FGF12: variants seen among roughly 807,000 people sequenced by gnomAD.
FGF12 encodes the protein fibroblast growth factor 12B.
Under a neutral mutation model 23.6 loss-of-function variants are expected in FGF12, and 14 were observed. The observed-to-expected ratio is 0.59, with a 90% CI of 0.39 to 0.93. FGF12 has a LOEUF of 0.93. Ranked by LOEUF, FGF12 falls within the 40% of genes least tolerant of loss-of-function variation. The pLI is 0.00. For missense variants in FGF12, 175 were observed against 217.8 expected, an observed-to-expected ratio of 0.80 and a Z score of 1.24; for synonymous variants, 62 against 77.3, an observed-to-expected ratio of 0.80 and a Z score of 1.04.
At chr3:192,578,513 A>C (rs1424420393) in intron 2 of FGF12, among the ~76,000 whole-genome samples, 2 of 152,212 alleles carry the variant, frequency 1.3e-5, no homozygotes, top group East Asian at 3.8e-4. Context: ...AACTGCTCTT[A>C]TTCCTTAATT....
rs192385807 is a variant in FGF12, at chr3:192,452,379, T to A, written c.14-91841A>T. Among the ~76,000 whole-genome samples the A allele has an allele frequency of 4.3e-4, 66 of 152,194 alleles. 1 individual carries two copies. The highest frequency in any genetic ancestry group is 1.5e-3 in the African/African-American group (64 of 41,558). The stretch of plus-strand genomic sequence containing the variant: ...TCCACTTAGCCATAATTTATTCTCC[T>A]TTTGATACATTAATGGATTTGATTT... On this transcript the variant is annotated intron_variant, in intron 2 of 5. Transcript: ENST00000445105.
intron 4 of FGF12, among the ~76,000 whole-genome samples, chr3:192,331,294 A>G (rs771398559): frequency 6.7e-6 from 1 of 149,270 alleles, no homozygotes; most frequent in Non-Finnish European, 1.5e-5. Context: ...GATAGGGAAA[A>G]CAGTATGGAG....
chr3:192,202,732 C>A (rs912483637), intron 4 of FGF12, among the ~76,000 whole-genome samples: 1 of 152,064 alleles, frequency 6.6e-6, no homozygotes, highest in Non-Finnish European at 1.5e-5. Context: ...GGTTCTATCA[C>A]CAGAAAGTTG....
rs1009849338 is a variant in FGF12, at chr3:192,330,548, C to T, written c.228+4813G>A. 7.2e-5 allele frequency among the ~76,000 whole-genome samples: 11 copies of T among 152,222 alleles called. 2 individuals carry two copies. Among genetic ancestry groups the T allele is most frequent in the Non-Finnish European group, 5.9e-5 (4 of 67,996 alleles). On this transcript the variant is annotated intron_variant, in intron 4 of 5. Coordinates refer to ENST00000445105, the MANE Select transcript of FGF12 (RefSeq NM_004113.6). ...AGAATGAAACTGGACCCTTACCTTA[C>T]ACCACATGTAACATTAATTCAAAAT...
chr3:192,294,585 A>G (rs1323487620), intron 4 of FGF12, among the ~76,000 whole-genome samples: 1 of 152,228 alleles, frequency 6.6e-6, no homozygotes, highest in Admixed American at 6.5e-5. Flanking sequence ...ATCATATAAA[A>G]GCAGAATAAT....
chr3:192,305,506 C>G (rs560748791), intron 4 of FGF12, among the ~76,000 whole-genome samples: 5 of 151,948 alleles, frequency 3.3e-5, no homozygotes, highest in African/African-American at 9.7e-5. Flanking sequence ...CTCTCACGTC[C>G]TCAAACCATC....
intron 4 of FGF12, among the ~76,000 whole-genome samples, chr3:192,283,629 A>T (rs1264094133): frequency 6.6e-6 from 1 of 152,118 alleles, no homozygotes; most frequent in East Asian, 1.9e-4. Flanking sequence ...TCACCCCTTT[A>T]TTTGCCACAA....
At chr3:192,258,788 G>A (rs1451570537) in intron 4 of FGF12, among the ~76,000 whole-genome samples, 1 of 152,090 alleles carries the variant, frequency 6.6e-6, no homozygotes, top group Non-Finnish European at 1.5e-5. Flanking sequence ...TCCACATAAA[G>A]AGAAAGAAAG....
At position 192,412,360 on chromosome 3, in the gene FGF12, GA is replaced by G. The variant is rs527907123; in HGVS notation, c.14-51823del. ...AGAGAAGGAAGTTATGAGGAAAGAT[GA>G]AAAGGCAGGTAGCTGTTGCTGTTTG... On this transcript the variant is annotated intron_variant, in intron 2 of 5. Coordinates refer to ENST00000445105, the MANE Select transcript of FGF12 (RefSeq NM_004113.6). Among the ~76,000 whole-genome samples, 409 of 152,312 alleles carry G rather than the reference GA, an allele frequency of 2.7e-3. 3 individuals are homozygous for G. The highest frequency in any genetic ancestry group is 3.4e-3 in the Middle Eastern group (1 of 294).
chr3:192,274,129 TA>T (rs1409848672), intron 4 of FGF12, among the ~76,000 whole-genome samples: 1 of 151,358 alleles, frequency 6.6e-6, no homozygotes, highest in African/African-American at 2.4e-5. Flanking sequence ...AAAGAAAAAA[TA>T]AAAAGAAATA....
chr3:192,372,480 G>T (rs1463164306), intron 2 of FGF12, among the ~76,000 whole-genome samples: 1 of 151,856 alleles, frequency 6.6e-6, no homozygotes, highest in Non-Finnish European at 1.5e-5. Flanking sequence ...AATACTTTCG[G>T]CAAAAGAGCA....
At position 192,143,252 on chromosome 3, in the gene FGF12, C is replaced by T. The variant is rs1422817505; in HGVS notation, c.*757G>A. 1 of 149,178 alleles carries T rather than the reference C, an allele frequency of 6.7e-6. No homozygotes were observed. The highest frequency in any genetic ancestry group is 2.5e-5 in the African/African-American group (1 of 40,676). 9.2% of individuals were successfully genotyped at this position (149,178 alleles called of 1,614,324 possible). A position where few individuals can be genotyped will look rare whatever the true frequency, so the allele number is the denominator to read the frequency against. On this transcript the variant is annotated 3_prime_UTR_variant, in exon 6 of 6. Coordinates refer to ENST00000445105, the MANE Select transcript of FGF12 (RefSeq NM_004113.6). ...AAAAAAAAAAAGAAAGAAAGAAGAA[C>T]TCCGGAAATAATATCTTTGATAAAA...
intron 2 of FGF12, among the ~76,000 whole-genome samples, chr3:192,399,160 A>C (rs1334048535): frequency 6.6e-6 from 1 of 151,980 alleles, no homozygotes; most frequent in African/African-American, 2.4e-5. Flanking sequence ...CAGAACGTTT[A>C]TGTGTCCCTC....
intron 3 of FGF12, among the ~76,000 whole-genome samples, chr3:192,341,455 G>C (rs1522262): frequency 1.3e-5 from 2 of 151,990 alleles, no homozygotes; most frequent in Non-Finnish European, 2.9e-5. Flanking sequence ...TAATTAAAAT[G>C]TTGTATTATT....
rs147236974 is a variant in FGF12 at position 192,668,558 on chromosome 3, C to T, written c.13+58623G>A. Among the ~76,000 whole-genome samples, 720 of 152,220 alleles carry T rather than the reference C, an allele frequency of 4.7e-3. 9 individuals carry two copies. Among genetic ancestry groups the T allele is most frequent in the African/African-American group, 0.016 (679 of 41,534 alleles). On this transcript the variant is annotated intron_variant, in intron 2 of 5. Coordinates refer to ENST00000445105, the MANE Select transcript of FGF12 (RefSeq NM_004113.6). The stretch of plus-strand genomic sequence containing the variant: ...GGCAGAAGCAGAAATTCGGCTTCTG[C>T]TGGTTTTCTGCTGGTACACAGGGTC...
chr3:192,476,018 T>TA (rs1167509496), intron 2 of FGF12, among the ~76,000 whole-genome samples: 1 of 152,044 alleles, frequency 6.6e-6, no homozygotes, highest in Non-Finnish European at 1.5e-5. Context: ...GCAAAGAATG[T>TA]AACAATCTAT....
chr3:192,389,073 T>C (rs962880000), intron 2 of FGF12, among the ~76,000 whole-genome samples: 6 of 152,112 alleles, frequency 3.9e-5, no homozygotes, highest in African/African-American at 1.4e-4. Context: ...CTTAAATTAA[T>C]ACATGGCCGG....
chr3:192,212,059 C>G (rs963174499), intron 4 of FGF12, among the ~76,000 whole-genome samples: 9 of 152,162 alleles, frequency 5.9e-5, no homozygotes, highest in African/African-American at 2.2e-4. Flanking sequence ...TTTTGCCTAA[C>G]TTCTTTTTCA....
chr3:192,589,558 T>C (rs1713537864), intron 2 of FGF12, among the ~76,000 whole-genome samples: 1 of 151,828 alleles, frequency 6.6e-6, no homozygotes, highest in Non-Finnish European at 1.5e-5. Flanking sequence ...TCAACTTATT[T>C]CTAGGCTTAA....
Sources: gnomAD v4.1 joint callset for allele counts (sites outside exome capture counted in the v4.1 genomes callset) on GRCh38, gnomAD v4.1.1 for gene constraint, MANE v1.5 for transcripts, NCBI Gene and HGNC (gene_info 2026-07-23, HGNC 2026-07-21) for gene names.